Variants in LRTM3 observed in about 807,000 individuals in gnomAD.
LRTM3 encodes leucine rich repeat transmembrane protein 3, also known as leucine-rich repeat transmembrane protein 3.
the LRTM3 span, chr13:102,731,514 T>A: frequency 5.1e-5 from 79 of 1,551,440 alleles, no homozygotes; most frequent in African/African-American, 9.2e-4. Flanking sequence ...TTGGGATATA[T>A]TGCTGTTGAT....
chr13:102,739,353 C>T, the LRTM3 span: 1 of 1,549,594 alleles, frequency 6.5e-7, no homozygotes, highest in Non-Finnish European at 8.7e-7. Flanking sequence ...GATTCTATTA[C>T]ATTACTTAAA....
chr13:102,745,628 G>C, the LRTM3 span: 2 of 1,550,904 alleles, frequency 1.3e-6, no homozygotes, highest in Non-Finnish European at 8.7e-7. Context: ...TAAGTTTCTC[G>C]TCGTTTTAGG....
chr13:102,735,662 T>C, the LRTM3 span: 2 of 1,551,278 alleles, frequency 1.3e-6, no homozygotes, highest in East Asian at 4.9e-5. Flanking sequence ...ACCTTTCTCT[T>C]CTCCCTGTGC....
chr13:102,736,384 G>A, the LRTM3 span: 1 of 1,551,086 alleles, frequency 6.4e-7, no homozygotes, highest in Non-Finnish European at 8.7e-7. Flanking sequence ...CACCATTGGG[G>A]TGCATCAGGC....
the LRTM3 span, chr13:102,748,883 T>G: frequency 6.5e-7 from 1 of 1,550,170 alleles, no homozygotes. Context: ...CTCCTTTTCC[T>G]TTTTAGTAAT....
At chr13:102,734,416 C>T in the LRTM3 span, 6 of 1,551,238 alleles carry the variant, frequency 3.9e-6, no homozygotes, top group African/African-American at 8.2e-5. Flanking sequence ...AGAGTATGCA[C>T]ATTTTTCTTT....
the LRTM3 span, chr13:102,735,129 C>G: frequency 1.3e-6 from 2 of 1,551,246 alleles, no homozygotes; most frequent in South Asian, 1.2e-5. Flanking sequence ...ACTTTCTGGA[C>G]CTTTTCCTCC....
chr13:102,736,974 G>A, the LRTM3 span: 1 of 1,551,022 alleles, frequency 6.4e-7, no homozygotes, highest in South Asian at 1.2e-5. Context: ...AATTTACAGT[G>A]AGATAGAGAA....
At chr13:102,730,213 C>G in the LRTM3 span, 1 of 1,551,168 alleles carries the variant, frequency 6.4e-7, no homozygotes, top group Admixed American at 2.0e-5. Context: ...TCAAATCAGT[C>G]GTGATTTTGT....
At chr13:102,756,311 G>GAAAA in the LRTM3 span, among the ~76,000 whole-genome samples, 1 of 136,802 alleles carries the variant, frequency 7.3e-6, no homozygotes. Context: ...TCCTTAGTTC[G>GAAAA]AAAAAAAAAA....
chr13:102,749,545 C>G, the LRTM3 span: 1 of 1,551,386 alleles, frequency 6.4e-7, no homozygotes, highest in Non-Finnish European at 8.7e-7. Flanking sequence ...ACTCCAGGCC[C>G]TTTACTGAAT....
chr13:102,730,571 G>T, the LRTM3 span: 1 of 1,551,796 alleles, frequency 6.4e-7, no homozygotes, highest in South Asian at 1.2e-5. Context: ...TTTCTTCCTC[G>T]GGCTGTGCAG....
chr13:102,751,143 A>G, the LRTM3 span, among the ~76,000 whole-genome samples: 1 of 152,094 alleles, frequency 6.6e-6, no homozygotes, highest in Non-Finnish European at 1.5e-5. Flanking sequence ...TGTTCTTCCT[A>G]ATGTGGGTGG....
At chr13:102,741,277 A>G in the LRTM3 span, 2 of 1,550,070 alleles carry the variant, frequency 1.3e-6, no homozygotes, top group East Asian at 4.9e-5. Flanking sequence ...AGATGGTAAC[A>G]TTTTCTTTTC....
At chr13:102,738,855 C>A in the LRTM3 span, 8 of 1,550,358 alleles carry the variant, frequency 5.2e-6, no homozygotes, top group Non-Finnish European at 7.0e-6. Flanking sequence ...AACTCTAATT[C>A]TTGGAATATT....
the LRTM3 span, chr13:102,729,485 A>G: frequency 2.1e-6 from 3 of 1,460,056 alleles, no homozygotes; most frequent in South Asian, 4.6e-5. Flanking sequence ...GGACCCCGAG[A>G]GCGACCCCAA....
At chr13:102,758,073 A>G in the LRTM3 span, among the ~76,000 whole-genome samples, 1 of 152,348 alleles carries the variant, frequency 6.6e-6, no homozygotes, top group East Asian at 1.9e-4. Context: ...CTTGGTCCAC[A>G]GTAAGTGCTA....
chr13:102,736,187 T>C, the LRTM3 span: 2 of 1,548,038 alleles, frequency 1.3e-6, no homozygotes, highest in Non-Finnish European at 8.7e-7. Context: ...AGAGAATCTA[T>C]GGTGAGAGAG....
the LRTM3 span, chr13:102,742,925 T>A: frequency 6.5e-7 from 1 of 1,549,950 alleles, no homozygotes; most frequent in East Asian, 2.4e-5. Context: ...ATTATCTGAT[T>A]TCTCCATCCT....
Sources: allele counts gnomAD v4.1 joint callset (sites outside exome capture counted in the v4.1 genomes callset), GRCh38; gene constraint gnomAD v4.1.1; transcripts MANE v1.5; gene names NCBI Gene and HGNC (gene_info 2026-07-23, HGNC 2026-07-21).